Variants in NAA38 observed in about 807,000 individuals in gnomAD.
NAA38 encodes the protein N-alpha-acetyltransferase 38, NatC auxiliary subunit.
A neutral mutation model predicts 12.6 loss-of-function variants in NAA38; 15 were observed. That is an observed-to-expected ratio of 1.19 (90% CI 0.79 to 1.83). The LOEUF is 1.83. Among genes scored for constraint, NAA38 ranks in the 40% most tolerant of loss-of-function variants. The probability of loss-of-function intolerance (pLI) is 0.00; values close to 1 mark genes in which losing one functional copy is unlikely to be tolerated. For synonymous variants in NAA38, 88 were observed against 69.9 expected (o/e 1.26, Z -1.29); for missense variants, 183 against 171.7 (o/e 1.07, Z -0.37).
At chr17:7,883,266 C>T (rs1452085727) in exon 2 of NAA38, 2 of 152,194 alleles carry the variant, frequency 1.3e-5, no homozygotes, top group Non-Finnish European at 2.9e-5. Context: ...GCTCCTTTCT[C>T]TTTCACGGTA....
chr17:7,884,474 A>G (rs1271770356), intron 1 of NAA38, among the ~76,000 whole-genome samples: 2 of 141,600 alleles, frequency 1.4e-5, no homozygotes, highest in African/African-American at 5.2e-5. Flanking sequence ...ATATATATAT[A>G]TATGTATATA....
intron 2 of NAA38, among the ~76,000 whole-genome samples, chr17:7,869,371 T>G (rs1465815582): frequency 6.6e-6 from 1 of 152,146 alleles, no homozygotes. Context: ...ATAACTTTAT[T>G]ATTGACTCTG....
At chr17:7,870,900 A>C (rs1190446133) in intron 2 of NAA38, among the ~76,000 whole-genome samples, 1 of 151,954 alleles carries the variant, frequency 6.6e-6, no homozygotes, top group Non-Finnish European at 1.5e-5. Flanking sequence ...AAAAAAAAAA[A>C]AAAAATTGTA....
chr17:7,859,134 C>T, upstream of NAA38: 1 of 588,896 alleles, frequency 1.7e-6, no homozygotes, highest in East Asian at 2.8e-5. Flanking sequence ...TTTTAATCTA[C>T]TCTGTTGCAT....
Position 7,880,835 on chromosome 17 carries a change from T to C in NAA38, c.-66+2400A>G, listed in dbSNP as rs867662882. On this transcript the variant is annotated intron_variant, in intron 2 of 4. Transcript: ENST00000576861. Reference sequence around the variant, plus strand: ...CACTTACCATGCAGAGTAGACTACATTTGGAGAGAGTAAAGCCTTCCTGAG... The same window carrying C: ...CACTTACCATGCAGAGTAGACTACACTTGGAGAGAGTAAAGCCTTCCTGAG... Among the ~76,000 whole-genome samples, 89 of 152,250 alleles carry C rather than the reference T, an allele frequency of 5.8e-4. 1 individual carries two copies. The Middle Eastern group carries it at 0.017, about 29-fold the overall frequency.
upstream of NAA38, chr17:7,857,661 C>G: frequency 7.5e-7 from 1 of 1,341,874 alleles, no homozygotes; most frequent in Non-Finnish European, 9.5e-7. Flanking sequence ...AAGCGTACTA[C>G]GCCGGATGTC....
intron 1 of NAA38, 54 bp downstream of exon 1, chr17:7,857,329 C>G: frequency 1.2e-6 from 2 of 1,613,220 alleles, no homozygotes; most frequent in Non-Finnish European, 1.7e-6. Context: ...TCCCCACCCC[C>G]TCCATCTTGC....
chr17:7,856,952 G>A (rs1457932745), intron 2 of NAA38, 63 bp downstream of exon 2: 1 of 1,587,524 alleles, frequency 6.3e-7, no homozygotes, highest in Non-Finnish European at 8.6e-7. Flanking sequence ...GCCCTTAAGG[G>A]GAAATGCCTT....
At chr17:7,879,324 G>A (rs1422576694) in intron 2 of NAA38, among the ~76,000 whole-genome samples, 2 of 152,086 alleles carry the variant, frequency 1.3e-5, no homozygotes, top group Non-Finnish European at 2.9e-5. Flanking sequence ...CTTGTTGTAT[G>A]AGTACATGTC....
intron 2 of NAA38, among the ~76,000 whole-genome samples, chr17:7,880,735 C>T (rs1019064678): frequency 8.5e-5 from 13 of 152,296 alleles, no homozygotes; most frequent in Admixed American, 3.3e-4. Context: ...TTAGTACTAC[C>T]GGTGCTTTCA....
At chr17:7,859,027 A>G, upstream of NAA38, 1 of 563,644 alleles carries the variant, frequency 1.8e-6, no homozygotes, top group Non-Finnish European at 3.1e-6. Context: ...GGGACAAGAG[A>G]CTCCTTTATA....
At chr17:7,862,877 A>C (rs2078892634), upstream of NAA38, 1 of 152,204 alleles carries the variant, frequency 6.6e-6, no homozygotes, top group Non-Finnish European at 1.5e-5. Flanking sequence ...CCTGGAGGGA[A>C]AACCCTTCCA....
upstream of NAA38, chr17:7,859,624 T>C: frequency 1.2e-6 from 2 of 1,611,506 alleles, no homozygotes; most frequent in Non-Finnish European, 1.7e-6. Context: ...CAAGGAGATG[T>C]ACACTCGTGT....
intron 3 of NAA38, chr17:7,866,413 GGGGAACTTTTAAAGT>G: frequency 7.8e-6 from 9 of 1,157,668 alleles, no homozygotes; most frequent in Non-Finnish European, 9.8e-6. Flanking sequence ...CGGCCGCCAC[GGGGAACTTTTAAAGT>G]TCCCATGTTA....
chr17:7,884,291 AG>A (rs1357697258), intron 1 of NAA38, among the ~76,000 whole-genome samples: 2 of 121,936 alleles, frequency 1.6e-5, no homozygotes, highest in Non-Finnish European at 3.6e-5. Flanking sequence ...TTCTTTATGG[AG>A]GGGGTGGCGG....
rs558135552 is a variant in NAA38 at position 7,857,396 on chromosome 17, C to T, written c.68G>A (p.Ser23Asn). Reference protein sequence around the residue: ...ENGCCSRRQSSSSAGDSDGER... With the variant: ...ENGCCSRRQSNSSAGDSDGER... ...GCCCGTGCTAACCCCAGCACTGGAG[C>T]TGCTCTGACGCCGACTGCAACAGCC... The change falls in exon 1 of 3, where the codon AGC (serine) becomes AAC (asparagine). Residue 23 changes from serine to asparagine, a missense_variant. Transcript: ENST00000575771. 23 of 1,608,584 alleles carry T rather than the reference C, an allele frequency of 1.4e-5. No individual in the cohort carries two copies. The highest frequency in any genetic ancestry group is 1.1e-4 in the African/African-American group (8 of 74,588).
intron 1 of NAA38, chr17:7,884,866 GGAA>G (rs1967497725): frequency 3.2e-6 from 4 of 1,258,224 alleles, no homozygotes; most frequent in African/African-American, 3.1e-5. Flanking sequence ...TGTCGGAGGA[GGAA>G]GAAGAGGAGG....
intron 2 of NAA38, among the ~76,000 whole-genome samples, chr17:7,868,829 TCA>T (rs1967034206): frequency 1.3e-5 from 2 of 152,230 alleles, no homozygotes; most frequent in Non-Finnish European, 2.9e-5. Context: ...TGACTAACAT[TCA>T]GTTTCCAACC....
intron 2 of NAA38, among the ~76,000 whole-genome samples, chr17:7,867,097 A>G (rs530416518): frequency 3.3e-5 from 5 of 152,264 alleles, no homozygotes; most frequent in South Asian, 2.1e-4. Flanking sequence ...CCTGCACAGG[A>G]TAAGTAGCAA....
Sources: allele counts gnomAD v4.1 joint callset (sites outside exome capture counted in the v4.1 genomes callset), GRCh38; gene constraint gnomAD v4.1.1; transcripts MANE v1.5; gene names NCBI Gene and HGNC (gene_info 2026-07-23, HGNC 2026-07-21).